Variants in PCTP observed in about 807,000 individuals in gnomAD.
PCTP encodes phosphatidylcholine transfer protein.
Under a neutral mutation model 31.0 loss-of-function variants are expected in PCTP, and 27 were observed. The observed-to-expected ratio is 0.87, with a 90% CI of 0.64 to 1.20. The LOEUF is 1.20. Among genes scored for constraint, PCTP ranks in the 50% most tolerant of loss-of-function variants. PCTP has a pLI of 0.00. For missense variants in PCTP, 287 were observed against 268.2 expected, an observed-to-expected ratio of 1.07 and a Z score of -0.49; for synonymous variants, 108 against 101.2, an observed-to-expected ratio of 1.07 and a Z score of -0.40.
At chr17:55,799,648 G>A (rs1242905936) in intron 3 of PCTP, among the ~76,000 whole-genome samples, 1 of 152,088 alleles carries the variant, frequency 6.6e-6, no homozygotes, top group African/African-American at 2.4e-5. Context: ...CACATTAGTT[G>A]ATGCAGTTTC....
rs975724845 is a variant in PCTP, at chr17:55,761,215, C to A, written c.142-6120C>A. On this transcript the variant is annotated intron_variant, in intron 1 of 5. Transcript: ENST00000268896. ...TATCTACATCACAGGGCTATCTTAG[C>A]TGTTACATGAGAGAATGAATATAAA... Among the ~76,000 whole-genome samples the A allele has an allele frequency of 6.5e-4, 99 of 152,072 alleles. 1 individual carries two copies. Among genetic ancestry groups the A allele is most frequent in the Admixed American group, 6.4e-3 (98 of 15,268 alleles).
intron 2 of PCTP, chr17:55,770,901 T>A: frequency 2.3e-6 from 1 of 437,376 alleles, no homozygotes; most frequent in South Asian, 3.3e-5. Context: ...TTTGCTTTTT[T>A]TTTTTTTTAT....
intron 3 of PCTP, among the ~76,000 whole-genome samples, chr17:55,791,895 T>C (rs148087318): frequency 0.027 from 4,121 of 152,086 alleles, 186 homozygotes; most frequent in African/African-American, 0.095. Flanking sequence ...AGCAAAGACT[T>C]GGAACCAACC....
downstream of PCTP, among the ~76,000 whole-genome samples, chr17:55,844,414 C>G (rs1906077741): frequency 6.6e-6 from 1 of 152,176 alleles, no homozygotes; most frequent in South Asian, 2.1e-4. Context: ...ACTTTCCCAT[C>G]TTGAGGCTCT....
chr17:55,770,208 G>A (rs2144955294), intron 2 of PCTP: 1 of 152,306 alleles, frequency 6.6e-6, no homozygotes, highest in Non-Finnish European at 1.5e-5. Flanking sequence ...GGATTATTAG[G>A]GAAATTTGGT....
chr17:55,827,781 A>G (rs1905451891), downstream of PCTP, among the ~76,000 whole-genome samples: 2 of 152,166 alleles, frequency 1.3e-5, no homozygotes, highest in Admixed American at 1.3e-4. Context: ...TTTCAGTGAA[A>G]GTCCAGGCTA....
chr17:55,751,603 A>G (rs1364108790), intron 1 of PCTP: 6 of 536,414 alleles, frequency 1.1e-5, no homozygotes, highest in Non-Finnish European at 1.8e-5. Context: ...TGTCAGTGGC[A>G]TATGGGGGCT....
chr17:55,816,084 AC>A (rs1912906966), intron 3 of PCTP, among the ~76,000 whole-genome samples: 1 of 152,156 alleles, frequency 6.6e-6, no homozygotes, highest in Admixed American at 6.5e-5. Context: ...TAATTTTTTA[AC>A]AGCTTTATTG....
intron 3 of PCTP, among the ~76,000 whole-genome samples, chr17:55,800,778 T>C (rs903337122): frequency 6.6e-6 from 1 of 152,220 alleles, no homozygotes; most frequent in African/African-American, 2.4e-5. Flanking sequence ...ACTTTTGGTC[T>C]TTGAAGTTGG....
At chr17:55,774,967 T>C (rs1268206297) in intron 5 of PCTP, 108 bp downstream of exon 5, 1 of 1,212,922 alleles carries the variant, frequency 8.2e-7, no homozygotes, top group Non-Finnish European at 1.2e-6. Context: ...GTCTCAGGCG[T>C]AATGAGGCTC....
At chr17:55,843,286 T>A (rs1057493996), downstream of PCTP, among the ~76,000 whole-genome samples, 30 of 152,236 alleles carry the variant, frequency 2.0e-4, no homozygotes, top group Non-Finnish European at 4.4e-5. Context: ...TTTCTGATTA[T>A]GTTTAAGGAT....
intron 3 of PCTP, among the ~76,000 whole-genome samples, chr17:55,810,642 A>C (rs781745835): frequency 4.6e-5 from 7 of 152,212 alleles, no homozygotes; most frequent in Non-Finnish European, 7.3e-5. Context: ...TATCCAGTTC[A>C]TGAGACTTGT....
chr17:55,845,796 C>A (rs914116901), downstream of PCTP, among the ~76,000 whole-genome samples: 2 of 152,030 alleles, frequency 1.3e-5, no homozygotes, highest in African/African-American at 4.8e-5. Flanking sequence ...CCAGCAACAC[C>A]CCCTCCCCCC....
At chr17:55,814,285 A>G (rs953159034) in intron 3 of PCTP, among the ~76,000 whole-genome samples, 1 of 152,198 alleles carries the variant, frequency 6.6e-6, no homozygotes, top group Non-Finnish European at 1.5e-5. Context: ...AACAAAATAG[A>G]TGAGGATTAG....
chr17:55,801,720 T>C (rs545509936), intron 3 of PCTP, among the ~76,000 whole-genome samples: 1 of 152,266 alleles, frequency 6.6e-6, no homozygotes, highest in East Asian at 1.9e-4. Flanking sequence ...AAGCAGTGTT[T>C]AAAGGGAAAT....
downstream of PCTP, among the ~76,000 whole-genome samples, chr17:55,780,499 C>A (rs1911524031): frequency 6.6e-6 from 1 of 152,158 alleles, no homozygotes; most frequent in African/African-American, 2.4e-5. Context: ...GTGGTTGCAT[C>A]CTTTCTGATT....
chr17:55,773,980 T>G, intron 4 of PCTP, 85 bp downstream of exon 4: 3 of 1,421,202 alleles, frequency 2.1e-6, no homozygotes, highest in East Asian at 2.5e-5. Flanking sequence ...GTCGAGTACA[T>G]GAAGCGTATC....
chr17:55,795,477 A>T (rs1408837186), intron 3 of PCTP, among the ~76,000 whole-genome samples: 1 of 152,052 alleles, frequency 6.6e-6, no homozygotes, highest in East Asian at 1.9e-4. Context: ...TGGGTAATTT[A>T]TACAAGATCA....
intron 5 of PCTP, among the ~76,000 whole-genome samples, chr17:55,828,730 A>G (rs1380120274): frequency 6.6e-6 from 1 of 152,162 alleles, no homozygotes; most frequent in Non-Finnish European, 1.5e-5. Context: ...GGAGCCCAGT[A>G]GTAAGAGCTG....
Sources: gnomAD v4.1 joint callset for allele counts (sites outside exome capture counted in the v4.1 genomes callset) on GRCh38, gnomAD v4.1.1 for gene constraint, MANE v1.5 for transcripts, NCBI Gene and HGNC (gene_info 2026-07-23, HGNC 2026-07-21) for gene names.